The following TCERG1L variants were observed in gnomAD, a reference collection of about 807,000 sequenced individuals.
TCERG1L encodes the protein transcription elongation regulator 1 like, also known as transcription elongation regulator 1-like protein.
A neutral mutation model predicts 56.3 loss-of-function variants in TCERG1L; 37 were observed. That is an observed-to-expected ratio of 0.66 (90% confidence interval 0.51 to 0.87). The LOEUF is 0.87. TCERG1L is among the 40% of genes least tolerant of loss of function. TCERG1L has a pLI of 0.00. For synonymous variants in TCERG1L, 324 were observed against 326.3 expected, an observed-to-expected ratio of 0.99 and a Z score of 0.08; for missense variants, 799 against 774.2, an observed-to-expected ratio of 1.03 and a Z score of -0.38.
intron 4 of TCERG1L, among the ~76,000 whole-genome samples, chr10:131,223,681 C>T (rs191416558): frequency 2.8e-4 from 39 of 137,648 alleles, no homozygotes; most frequent in African/African-American, 9.9e-4. Context: ...CACATGCTCA[C>T]CCTCACGCAT....
intron 3 of TCERG1L, among the ~76,000 whole-genome samples, chr10:131,273,873 A>G (rs185282278): frequency 6.6e-6 from 1 of 152,342 alleles, no homozygotes; most frequent in African/African-American, 2.4e-5. Flanking sequence ...TGGAAATAAC[A>G]GGATTTACTC....
chr10:131,216,670 T>C (rs190388948), intron 4 of TCERG1L, among the ~76,000 whole-genome samples: 3 of 152,266 alleles, frequency 2.0e-5, no homozygotes, highest in African/African-American at 2.4e-5. Flanking sequence ...GCTAAGAAAA[T>C]AGCCTAAGAA....
intron 8 of TCERG1L, among the ~76,000 whole-genome samples, chr10:131,131,999 C>G (rs565090714): frequency 9.9e-5 from 15 of 152,270 alleles, no homozygotes; most frequent in African/African-American, 3.6e-4. Context: ...AATAACCTTC[C>G]CAAAGAGGGA....
At position 131,228,797 on chromosome 10, in the gene TCERG1L, A is replaced by G. The variant is rs575008141; in HGVS notation, c.856+31462T>C. 2.1e-4 allele frequency among the ~76,000 whole-genome samples: 19 copies of G among 92,336 alleles called. 1 individual carries two copies. Among genetic ancestry groups the G allele is most frequent in the African/African-American group, 9.0e-4 (17 of 18,856 alleles). The allele number at this position is 92,336 out of a possible 152,430, so 60.6% of individuals were successfully genotyped here. A position where few individuals can be genotyped will look rare whatever the true frequency, so the allele number is the denominator to read the frequency against. On this transcript the variant is annotated intron_variant, in intron 4 of 11. Coordinates refer to ENST00000368642, the MANE Select transcript of TCERG1L (RefSeq NM_174937.4). ...GGTCTCCGGAGTCTCCCCTCCAGAC[A>G]GGCATTTCCTCAAGGCCTCCGGAGT... is the stretch of plus-strand genomic sequence containing the variant.
chr10:131,123,177 C>A (rs912844174), intron 8 of TCERG1L, among the ~76,000 whole-genome samples: 1 of 152,182 alleles, frequency 6.6e-6, no homozygotes, highest in Non-Finnish European at 1.5e-5. Context: ...CTGCTCCAAA[C>A]CCCAGGATCC....
chr10:131,093,995 C>A (rs947486191), intron 11 of TCERG1L, among the ~76,000 whole-genome samples: 3 of 152,186 alleles, frequency 2.0e-5, no homozygotes, highest in Admixed American at 2.0e-4. Flanking sequence ...ACTGATGGAG[C>A]GAATCAGAGC....
In TCERG1L at chr10:131,116,826, G is replaced by T; in HGVS notation, c.1368C>A (p.His456Gln). 1 of 1,572,694 alleles carries T rather than the reference G, an allele frequency of 6.4e-7. No individual in the cohort carries two copies. Among genetic ancestry groups the T allele is most frequent in the African/African-American group, 1.3e-5 (1 of 74,182 alleles). ...CTCTCTCCAGCAGCATGTCTCGGAA[G>T]TGGGTCACACGCTCCTCCAGAGGCA... ...ILLPLEERVT[H>Q]FRDMLLERGV... Residue 456 changes from histidine to glutamine, a missense_variant, in exon 9 of 12, where the codon CAC becomes CAA. Transcript: ENST00000368642.
chr10:131,210,573 G>A (rs1049216977), intron 4 of TCERG1L, among the ~76,000 whole-genome samples: 3 of 152,192 alleles, frequency 2.0e-5, no homozygotes, highest in South Asian at 2.1e-4. Flanking sequence ...GCTTTGCCAA[G>A]TTGTTTTTAC....
At chr10:131,235,804 T>A (rs928428600) in intron 4 of TCERG1L, among the ~76,000 whole-genome samples, 1 of 152,220 alleles carries the variant, frequency 6.6e-6, no homozygotes, top group African/African-American at 2.4e-5. Context: ...CAGCAGGGGC[T>A]GGTGGTGGCC....
chr10:131,276,884 C>T (rs772011764), intron 3 of TCERG1L, among the ~76,000 whole-genome samples: 1 of 152,112 alleles, frequency 6.6e-6, no homozygotes, highest in Non-Finnish European at 1.5e-5. Flanking sequence ...AGGAAATAGC[C>T]ACTGGACCAG....
chr10:131,156,895 G>A (rs573956780), intron 6 of TCERG1L, among the ~76,000 whole-genome samples: 5 of 152,236 alleles, frequency 3.3e-5, no homozygotes, highest in South Asian at 2.1e-4. Context: ...GCCCCTGGCC[G>A]AATAAACCCC....
At chr10:131,203,113 G>A (rs191132703) in intron 4 of TCERG1L, among the ~76,000 whole-genome samples, 74 of 152,244 alleles carry the variant, frequency 4.9e-4, no homozygotes, top group African/African-American at 1.5e-3. Flanking sequence ...ATAGACAACA[G>A]CCCTCAAAGC....
chr10:131,291,447 G>T lies in TCERG1L; in HGVS notation c.670+16764C>A, dbSNP rs1324243382. 1.0e-4 allele frequency among the ~76,000 whole-genome samples: 4 copies of T among 39,012 alleles called. No individual in the cohort carries two copies. In the Admixed American group the frequency reaches 1.8e-3, roughly 18 times the overall value. The allele number at this position is 39,012 out of a possible 152,430, so 25.6% of individuals were successfully genotyped here. A position where few individuals can be genotyped will look rare whatever the true frequency, so the allele number is the denominator to read the frequency against. On this transcript the variant is annotated intron_variant, in intron 3 of 11. Transcript: ENST00000368642. ...TTTTTTTTTTTTTTTTTTTTTTTGA[G>T]ACGGAGTCTCGCTGTGTCTCCCAGG...
chr10:131,173,657 A>C (rs1183246110), intron 4 of TCERG1L, among the ~76,000 whole-genome samples: 1 of 152,216 alleles, frequency 6.6e-6, no homozygotes, highest in Non-Finnish European at 1.5e-5. Context: ...CATAGATTTC[A>C]GGGGTTAAAA....
intron 3 of TCERG1L, among the ~76,000 whole-genome samples, chr10:131,278,718 TG>T (rs1846420943): frequency 6.7e-6 from 1 of 148,846 alleles, no homozygotes; most frequent in South Asian, 2.1e-4. Flanking sequence ...AAGGCTGGCC[TG>T]GGGGGTGCCC....
At chr10:131,112,512 C>G (rs1845421790) in intron 9 of TCERG1L, among the ~76,000 whole-genome samples, 1 of 142,584 alleles carries the variant, frequency 7.0e-6, no homozygotes, top group East Asian at 2.4e-4. Flanking sequence ...CTGCCCCACT[C>G]TGCGGCCCTC....
rs1845478815 is a variant in TCERG1L at position 131,118,212 on chromosome 10, C to G, written c.1260-1278G>C. Among the ~76,000 whole-genome samples the G allele has an allele frequency of 6.6e-6, 1 of 152,228 alleles. No individual in the cohort carries two copies. Among genetic ancestry groups the G allele is most frequent in the Non-Finnish European group, 1.5e-5 (1 of 68,044 alleles). Reference sequence around the variant, plus strand: ...TCATGAAGAGCAGTCCGCTCACAAGCAGTGGCTTAGGGCCTCCTACATTCT... The same window carrying G: ...TCATGAAGAGCAGTCCGCTCACAAGGAGTGGCTTAGGGCCTCCTACATTCT... On this transcript the variant is annotated intron_variant, in intron 8 of 11. Transcript: ENST00000368642. The surrounding 1 kb of genome is among the most constrained non-coding windows in gnomAD (Gnocchi z 4.2).
chr10:131,307,349 C>G (rs1209303007), intron 3 of TCERG1L, among the ~76,000 whole-genome samples: 1 of 152,114 alleles, frequency 6.6e-6, no homozygotes, highest in African/African-American at 2.4e-5. Context: ...TGTAGGCAAA[C>G]AGAGAACAAA....
At chr10:131,163,252 A>G (rs1845996525) in intron 5 of TCERG1L, 42 bp from the exon 6 acceptor site, 3 of 1,418,728 alleles carry the variant, frequency 2.1e-6, no homozygotes, top group Admixed American at 2.9e-5. Flanking sequence ...TTAATTTTAA[A>G]CACTCATCTT....
Sources: allele counts gnomAD v4.1 joint callset (sites outside exome capture counted in the v4.1 genomes callset), GRCh38; gene constraint gnomAD v4.1.1; non-coding constraint Gnocchi (gnomAD v3.1); transcripts MANE v1.5; gene names NCBI Gene and HGNC (gene_info 2026-07-23, HGNC 2026-07-21).